Variants in SLC44A5 observed in about 807,000 individuals in gnomAD.
The protein encoded by SLC44A5 is choline transporter-like protein 5.
A neutral mutation model predicts 101.8 loss-of-function variants in SLC44A5; 57 were observed. The ratio of observed to expected loss-of-function variants is 0.56; its 90% CI spans 0.45 to 0.70. The LOEUF (loss-of-function observed/expected upper bound fraction) is 0.70, where lower values mean the gene tolerates loss of function less well. SLC44A5 is among the 30% of genes least tolerant of loss of function. SLC44A5 has a pLI of 0.00. For synonymous variants in SLC44A5, 281 were observed against 290.9 expected (o/e 0.97, Z 0.35); for missense variants, 737 against 853.1 (o/e 0.86, Z 1.70).
At chr1:75,279,987 C>T (rs1032928874) in intron 5 of SLC44A5, among the ~76,000 whole-genome samples, 4 of 149,858 alleles carry the variant, frequency 2.7e-5, no homozygotes, top group East Asian at 2.0e-4. Context: ...CATCTATAAG[C>T]GAGAATATAC....
chr1:75,403,459 T>A (rs1570157230), intron 2 of SLC44A5, among the ~76,000 whole-genome samples: 1 of 152,106 alleles, frequency 6.6e-6, no homozygotes. Flanking sequence ...CTGGCTGGCA[T>A]CTGGCTGGTG....
intron 2 of SLC44A5, among the ~76,000 whole-genome samples, chr1:75,420,444 T>C (rs1663933565): frequency 1.3e-5 from 2 of 152,200 alleles, no homozygotes; most frequent in African/African-American, 2.4e-5. Flanking sequence ...AACAGCAAGA[T>C]GCTGGGTTTG....
chr1:75,411,774 A>G (rs1663296010), intron 2 of SLC44A5, among the ~76,000 whole-genome samples: 2 of 152,096 alleles, frequency 1.3e-5, no homozygotes, highest in Admixed American at 1.3e-4. Context: ...TACACTTTTA[A>G]TAGGACTTCT....
the SLC44A5 span, among the ~76,000 whole-genome samples, chr1:75,697,702 G>A: frequency 2.0e-5 from 3 of 152,198 alleles, no homozygotes; most frequent in African/African-American, 4.8e-5. Context: ...CGTGAGTGAC[G>A]CAGAAGACGG....
At chr1:75,398,378 A>G in intron 2 of SLC44A5, 1 of 985,396 alleles carries the variant, frequency 1.0e-6, no homozygotes, top group Non-Finnish European at 1.2e-6. Context: ...CCCATTTGGA[A>G]TCAGTGCCGG....
intron 2 of SLC44A5, among the ~76,000 whole-genome samples, chr1:75,530,797 T>C (rs1187303571): frequency 2.0e-5 from 3 of 152,154 alleles, no homozygotes; most frequent in Admixed American, 2.0e-4. Flanking sequence ...ATTTTTTCCA[T>C]ACCTGACAGA....
chr1:75,702,127 T>C, the SLC44A5 span, among the ~76,000 whole-genome samples: 233 of 152,214 alleles, frequency 1.5e-3, no homozygotes, highest in African/African-American at 4.9e-3. Context: ...AAGCTACCAA[T>C]GACTTTCTTC....
chr1:75,696,090 G>A, the SLC44A5 span, among the ~76,000 whole-genome samples: 1 of 152,026 alleles, frequency 6.6e-6, no homozygotes, highest in South Asian at 2.1e-4. Context: ...AATGTTGGTG[G>A]CTTTAGATAA....
intron 2 of SLC44A5, among the ~76,000 whole-genome samples, chr1:75,424,983 G>A (rs1284295880): frequency 6.6e-6 from 1 of 152,138 alleles, no homozygotes; most frequent in Non-Finnish European, 1.5e-5. Flanking sequence ...ACACTTTGGT[G>A]GTAGGAAGCA....
chr1:75,643,988 C>T, the SLC44A5 span, among the ~76,000 whole-genome samples: 1 of 152,282 alleles, frequency 6.6e-6, no homozygotes, highest in African/African-American at 2.4e-5. Context: ...TCATTCAGGG[C>T]TAAAACACTT....
chr1:75,333,060 G>A (rs1657169182), intron 4 of SLC44A5, among the ~76,000 whole-genome samples: 1 of 151,814 alleles, frequency 6.6e-6, no homozygotes, highest in Non-Finnish European at 1.5e-5. Context: ...TAGAAAAAAA[G>A]AACACAAAAT....
intron 2 of SLC44A5, among the ~76,000 whole-genome samples, chr1:75,511,124 C>T (rs1235317238): frequency 6.6e-6 from 1 of 151,752 alleles, no homozygotes; most frequent in Non-Finnish European, 1.5e-5. Flanking sequence ...GCCTGGGCGA[C>T]GGAGCGAGAC....
intron 3 of SLC44A5, among the ~76,000 whole-genome samples, chr1:75,376,842 G>A (rs1301956490): frequency 6.6e-6 from 1 of 152,226 alleles, no homozygotes; most frequent in Non-Finnish European, 1.5e-5. Flanking sequence ...ACTTTGACAA[G>A]CTGAGAGCAG....
intron 23 of SLC44A5, chr1:75,205,732 A>G (rs1646739457): frequency 6.6e-6 from 1 of 152,230 alleles, no homozygotes; most frequent in Non-Finnish European, 1.5e-5. Context: ...GAACAAAGCC[A>G]CACAATCTCT....
At chr1:75,279,432 A>C (rs760071909) in intron 5 of SLC44A5, among the ~76,000 whole-genome samples, 1 of 152,152 alleles carries the variant, frequency 6.6e-6, no homozygotes, top group Non-Finnish European at 1.5e-5. Context: ...AGTTGACTGC[A>C]GCTTTGGCTT....
intron 4 of SLC44A5, among the ~76,000 whole-genome samples, chr1:75,318,606 G>A (rs1175624364): frequency 2.0e-5 from 3 of 152,150 alleles, no homozygotes; most frequent in Non-Finnish European, 4.4e-5. Flanking sequence ...GAGGATTCAT[G>A]TCCTTGAATC....
At chr1:75,498,769 A>G (rs191843660) in intron 2 of SLC44A5, among the ~76,000 whole-genome samples, 1 of 152,314 alleles carries the variant, frequency 6.6e-6, no homozygotes, top group East Asian at 1.9e-4. Flanking sequence ...AATATGGATT[A>G]TTTTCAAGAT....
rs528508478 is a variant in SLC44A5 at position 75,376,991 on chromosome 1, T to C, written c.52+19592A>G. On this transcript the variant is annotated intron_variant, in intron 3 of 23. Coordinates refer to ENST00000370859, the MANE Select transcript of SLC44A5 (RefSeq NM_001130058.2). Reference sequence around the variant, plus strand: ...ACAGAGAAGTGCTTAAAGGAGCTGATGGAGCTGAAAACCAAGGCTCGAGAA... The same window carrying C: ...ACAGAGAAGTGCTTAAAGGAGCTGACGGAGCTGAAAACCAAGGCTCGAGAA... 4.8e-3 allele frequency among the ~76,000 whole-genome samples: 735 copies of C among 152,230 alleles called. 3 individuals are homozygous for C. Among genetic ancestry groups the C allele is most frequent in the Non-Finnish European group, 8.2e-3 (559 of 68,016 alleles).
At chr1:75,259,468 CA>C (rs1484764598) in intron 6 of SLC44A5, among the ~76,000 whole-genome samples, 2 of 151,902 alleles carry the variant, frequency 1.3e-5, no homozygotes, top group Non-Finnish European at 2.9e-5. Flanking sequence ...AGTGAGAAGA[CA>C]AGATTAGAGA....
Sources: gnomAD v4.1 joint callset for allele counts (sites outside exome capture counted in the v4.1 genomes callset) on GRCh38, gnomAD v4.1.1 for gene constraint, MANE v1.5 for transcripts, NCBI Gene and HGNC (gene_info 2026-07-23, HGNC 2026-07-21) for gene names.